Variants in TTLL9 observed in about 807,000 individuals in gnomAD.
The protein encoded by TTLL9 is probable tubulin polyglutamylase TTLL9.
Under a neutral mutation model 65.6 loss-of-function variants are expected in TTLL9, and 47 were observed. The ratio of observed to expected loss-of-function variants is 0.72; its 90% confidence interval spans 0.57 to 0.91. TTLL9 has a LOEUF of 0.91. TTLL9 is among the 40% of genes least tolerant of loss of function. The pLI is 0.00. For missense variants in TTLL9, 537 were observed against 568.8 expected, an observed-to-expected ratio of 0.94 and a Z score of 0.57; for synonymous variants, 179 against 204.8, an observed-to-expected ratio of 0.87 and a Z score of 1.07.
At chr20:31,909,192 A>T (rs1568789389) in intron 5 of TTLL9, among the ~76,000 whole-genome samples, 1 of 140,016 alleles carries the variant, frequency 7.1e-6, no homozygotes, top group East Asian at 2.1e-4. Context: ...CTGGAGTGCA[A>T]TGGCATGATC....
intron 2 of TTLL9, among the ~76,000 whole-genome samples, chr20:31,885,009 G>A (rs1450822811): frequency 1.3e-5 from 2 of 152,022 alleles, no homozygotes; most frequent in East Asian, 1.9e-4. Context: ...AATTAAAAAT[G>A]TACAAGGCTG....
At chr20:31,915,788 A>G (rs2063725868) in intron 6 of TTLL9, among the ~76,000 whole-genome samples, 1 of 151,952 alleles carries the variant, frequency 6.6e-6, no homozygotes, top group Non-Finnish European at 1.5e-5. Context: ...GGTAACGTGT[A>G]TAAATCACGG....
At chr20:31,937,200 G>T (rs926624368) in intron 12 of TTLL9, among the ~76,000 whole-genome samples, 196 bp from the exon 13 acceptor site, 1 of 151,914 alleles carries the variant, frequency 6.6e-6, no homozygotes, top group African/African-American at 2.4e-5. Context: ...CTTGAGGCCA[G>T]GAGTTTGAGA....
chr20:31,934,745 G>A lies in TTLL9; in HGVS notation c.861G>A (p.Gly287=), dbSNP rs1367982772. The A allele has an allele frequency of 6.2e-7, 1 of 1,612,750 alleles. No homozygotes were observed. The highest frequency in any genetic ancestry group is 8.5e-7 in the Non-Finnish European group (1 of 1,179,972). Reference sequence around the variant, plus strand: ...GGCAGTACCTGGCGTCCAAACACGGGCCCGAGGCAGTGGAGACACTCTTCA... The same window carrying A: ...GGCAGTACCTGGCGTCCAAACACGGACCCGAGGCAGTGGAGACACTCTTCA... ...RFRQYLASKH[G]PEAVETLFRD... Residue 287 remains glycine, a synonymous_variant, in exon 12 of 15, where the codon GGG becomes GGA. Transcript: ENST00000535842.
In TTLL9 at chr20:31,870,718, C is replaced by G; in HGVS notation, c.-237C>G. The G allele has an allele frequency of 1.5e-6, 1 of 658,262 alleles. No homozygotes were observed. Among genetic ancestry groups the G allele is most frequent in the Non-Finnish European group, 2.2e-6 (1 of 451,086 alleles). 40.8% of individuals were successfully genotyped at this position (658,262 alleles called of 1,614,324 possible). A position where few individuals can be genotyped will look rare whatever the true frequency, so the allele number is the denominator to read the frequency against. ...CCACCTCCGGAGGTGGGGGCGGGGG[C>G]CTTACCCCACCCTGGCACCGGCAGG... On this transcript the variant is annotated 5_prime_UTR_variant, in exon 1 of 15. Transcript: ENST00000535842. The surrounding 1 kb of genome is among the most constrained non-coding windows in gnomAD (Gnocchi z 6.6).
At chr20:31,922,436 A>C (rs1042848291) in intron 7 of TTLL9, among the ~76,000 whole-genome samples, 17 of 152,192 alleles carry the variant, frequency 1.1e-4, no homozygotes, top group African/African-American at 3.9e-4. Context: ...TGTAACTGTT[A>C]AACACAAGCT....
intron 3 of TTLL9, among the ~76,000 whole-genome samples, chr20:31,893,446 A>T (rs905306879): frequency 6.6e-6 from 1 of 151,716 alleles, no homozygotes; most frequent in African/African-American, 2.4e-5. Flanking sequence ...ACCCGCCACT[A>T]CGCCTGGCTA....
chr20:31,881,858 C>T (rs911261244), intron 2 of TTLL9, among the ~76,000 whole-genome samples: 4 of 152,202 alleles, frequency 2.6e-5, no homozygotes. Context: ...AATGCACAAA[C>T]TCTTAGCAGT....
intron 4 of TTLL9, among the ~76,000 whole-genome samples, chr20:31,903,391 T>G (rs1299186678): frequency 1.3e-5 from 2 of 152,258 alleles, no homozygotes; most frequent in African/African-American, 2.4e-5. Flanking sequence ...TATATATGAT[T>G]TGCAAATACT....
intron 3 of TTLL9, among the ~76,000 whole-genome samples, chr20:31,887,835 G>T (rs546312851): frequency 2.2e-5 from 2 of 90,678 alleles, no homozygotes; most frequent in Non-Finnish European, 4.7e-5. Context: ...TTATTCTTTG[G>T]TTCATTAGAT....
At chr20:31,894,537 G>A (rs2063355219) in intron 3 of TTLL9, among the ~76,000 whole-genome samples, 1 of 151,678 alleles carries the variant, frequency 6.6e-6, no homozygotes, top group Admixed American at 6.6e-5. Context: ...ATTTCAGTTG[G>A]CTCTTTTTCC....
At chr20:31,882,296 A>T (rs1018204078) in intron 2 of TTLL9, among the ~76,000 whole-genome samples, 5 of 152,164 alleles carry the variant, frequency 3.3e-5, no homozygotes, top group Admixed American at 2.6e-4. Flanking sequence ...TGAAGCTGGG[A>T]TTAGTGGAAC....
intron 5 of TTLL9, 66 bp downstream of exon 5, chr20:31,908,768 G>A: frequency 1.6e-6 from 2 of 1,262,152 alleles, no homozygotes; most frequent in Non-Finnish European, 2.3e-6. Flanking sequence ...CCATGAGCTG[G>A]AGCTGGTACA....
At chr20:31,934,617 A>G in intron 11 of TTLL9, 75 bp from the exon 12 acceptor site, 2 of 1,345,530 alleles carry the variant, frequency 1.5e-6, no homozygotes, top group African/African-American at 2.9e-5. Context: ...ACTGAGAGCA[A>G]TTGTGTAAGG....
intron 4 of TTLL9, among the ~76,000 whole-genome samples, chr20:31,907,022 A>C (rs545219158): frequency 3.3e-5 from 5 of 152,188 alleles, no homozygotes; most frequent in Non-Finnish European, 7.3e-5. Flanking sequence ...TGGCAGTTAG[A>C]ATAACTCGAC....
intron 2 of TTLL9, among the ~76,000 whole-genome samples, chr20:31,873,737 AAAGG>A (rs71185372): frequency 2.2e-5 from 3 of 133,724 alleles, no homozygotes; most frequent in African/African-American, 5.5e-5. Flanking sequence ...AAAGAAAGAA[AAAGG>A]AAGGAAGGAA....
chr20:31,930,809 T>G (rs2063995600), intron 10 of TTLL9, among the ~76,000 whole-genome samples: 1 of 152,226 alleles, frequency 6.6e-6, no homozygotes. Context: ...GATTGTATGT[T>G]TACTCTGCTA....
chr20:31,896,248 G>C (rs62206292), intron 3 of TTLL9, among the ~76,000 whole-genome samples: 3,749 of 152,350 alleles, frequency 0.025, 50 homozygotes, highest in Non-Finnish European at 0.037. Context: ...GAAGAGCTGG[G>C]ATTATAGGCG....
chr20:31,882,225 G>A (rs2063128238), intron 2 of TTLL9, among the ~76,000 whole-genome samples: 1 of 152,204 alleles, frequency 6.6e-6, no homozygotes, highest in African/African-American at 2.4e-5. Flanking sequence ...CCTCAGCTCT[G>A]AGTTGTGCTG....
Sources: gnomAD v4.1 joint callset for allele counts (sites outside exome capture counted in the v4.1 genomes callset) on GRCh38, gnomAD v4.1.1 for gene constraint, Gnocchi (gnomAD v3.1) non-coding constraint, MANE v1.5 for transcripts, NCBI Gene and HGNC (gene_info 2026-07-23, HGNC 2026-07-21) for gene names.